C3: variants seen among roughly 807,000 people sequenced by gnomAD.
C3 encodes the protein complement C3.
Under a neutral mutation model 207.9 loss-of-function variants are expected in C3, and 97 were observed. That is an observed-to-expected ratio of 0.47 (90% CI 0.40 to 0.55). The LOEUF is 0.55. Ranked by LOEUF, C3 falls within the 20% of genes least tolerant of loss-of-function variation. The probability of loss-of-function intolerance (pLI) is 0.00; values close to 1 mark genes in which losing one functional copy is unlikely to be tolerated. For synonymous variants in C3, 848 were observed against 857.6 expected, an observed-to-expected ratio of 0.99 and a Z score of 0.20; for missense variants, 1,684 against 2,171.7, an observed-to-expected ratio of 0.78 and a Z score of 4.46.
intron 24 of C3, among the ~76,000 whole-genome samples, chr19:6,694,186 G>A (rs11570244): frequency 5.4e-4 from 49 of 90,338 alleles, no homozygotes; most frequent in South Asian, 2.8e-3. Flanking sequence ...AAGAGGTGGG[G>A]GGCCCTCAGG....
At chr19:6,710,051 CAGGGAGAGAGACGGAGAGACAGGGAGAG>C (rs1315239395) in intron 13 of C3, among the ~76,000 whole-genome samples, 8 of 53,936 alleles carry the variant, frequency 1.5e-4, no homozygotes, top group South Asian at 1.2e-3. Flanking sequence ...AAGGGAGAGA[CAGGGAGAGAGACGGAGAGACAGGGAGAG>C]AGGGAGAGAG....
At chr19:6,697,048 ATAAAC>A (rs1568217192) in intron 21 of C3, among the ~76,000 whole-genome samples, 2 of 86,640 alleles carry the variant, frequency 2.3e-5, no homozygotes, top group East Asian at 5.9e-4. Flanking sequence ...TCTCAAAAAA[ATAAAC>A]AAACAAATAA....
chr19:6,702,109 GC>G lies in C3; in HGVS notation c.2440+17del. On this transcript the variant is annotated intron_variant, in intron 19 of 40. Transcript: ENST00000245907. ...TGGGGTCCCTGCCTCCCGGGGACCA[GC>G]CAGCATCCTCTCTCACCTTTCTTGT... is the stretch of plus-strand genomic sequence containing the variant. 1 of 1,458,692 alleles carries G rather than the reference GC, an allele frequency of 6.9e-7. No individual in the cohort carries two copies. The allele number at this position is 1,458,692 out of a possible 1,614,324, so 90.4% of individuals were successfully genotyped here.
rs1348742012 is a variant in C3 at position 6,714,426 on chromosome 19, G to C, written c.525C>G (p.Val175=). The C allele has an allele frequency of 6.2e-7, 1 of 1,613,536 alleles. No individual in the cohort carries two copies. The highest frequency in any genetic ancestry group is 8.5e-7 in the Non-Finnish European group (1 of 1,179,924). The change falls in exon 5 of 41, where the codon GTC becomes GTG. Residue 175 remains valine, a synonymous_variant. Coordinates refer to ENST00000245907, the MANE Select transcript of C3 (RefSeq NM_000064.4). ...VNIENPEGIP[V]KQDSLSSQNQ... ...TCTGAGAAGACAAGGAGTCCTGCTT[G>C]ACCGGGATGCCTTCCGGGTTCTGTG...
At position 6,685,089 on chromosome 19, in the gene C3, G is replaced by C. The variant is rs981890003; in HGVS notation, c.3868C>G (p.Gln1290Glu). The C allele has an allele frequency of 6.2e-7, 1 of 1,614,060 alleles. No homozygotes were observed. The highest frequency in any genetic ancestry group is 8.5e-7 in the Non-Finnish European group (1 of 1,179,948). ...AGGGACACATCAAGGTTCAGTTCCTGGTGGTCAGGGGCGTCCTTTTGGTAT... is the reference window on the plus strand; with the variant it reads ...AGGGACACATCAAGGTTCAGTTCCTCGTGGTCAGGGGCGTCCTTTTGGTAT... ...AQYQKDAPDH[Q>E]ELNLDVSLQL... Residue 1290 changes from glutamine (Q) to glutamate (E), a missense_variant, in exon 30 of 41, where the codon CAG becomes GAG. Physicochemically the swap from Gln to Glu is conservative, Grantham distance 29. Coordinates refer to ENST00000245907, the MANE Select transcript of C3 (RefSeq NM_000064.4).
chr19:6,709,615 A>ACCCCCCCCCCCCCCCC, intron 14 of C3, 69 bp downstream of exon 14: 2 of 403,608 alleles, frequency 5.0e-6, no homozygotes, highest in Admixed American at 3.2e-5. Flanking sequence ...CTCCAGTCCC[A>ACCCCCCCCCCCCCCCC]CCCACCTCCC....
chr19:6,715,115 C>G (rs927613927), intron 4 of C3, among the ~76,000 whole-genome samples: 1 of 152,040 alleles, frequency 6.6e-6, no homozygotes, highest in African/African-American at 2.4e-5. Context: ...AACATTTAAA[C>G]ATCATGAGAC....
chr19:6,696,773 G>C, intron 21 of C3, 114 bp from the exon 22 acceptor site: 2 of 1,047,478 alleles, frequency 1.9e-6, no homozygotes, highest in Middle Eastern at 4.8e-4. Context: ...CGGGCGCGGT[G>C]GCTCGTGCCT....
At chr19:6,689,018 G>A (rs1030881494) in intron 27 of C3, among the ~76,000 whole-genome samples, 3 of 152,140 alleles carry the variant, frequency 2.0e-5, no homozygotes, top group African/African-American at 7.2e-5. Flanking sequence ...GGCCAAGAAC[G>A]GAATGAAGAT....
intron 37 of C3, 31 bp downstream of exon 37, chr19:6,679,376 A>T: frequency 6.4e-7 from 1 of 1,571,698 alleles, no homozygotes; most frequent in South Asian, 1.1e-5. Flanking sequence ...GCTTGCTCAG[A>T]CCCACCTGTT....
At chr19:6,685,828 C>A (rs1917991100) in intron 29 of C3, among the ~76,000 whole-genome samples, 1 of 152,168 alleles carries the variant, frequency 6.6e-6, no homozygotes, top group African/African-American at 2.4e-5. Context: ...GGAACCTGGT[C>A]TAGAGCCCAC....
chr19:6,713,349 C>CG, intron 8 of C3, 34 bp from the exon 9 acceptor site: 1 of 1,613,786 alleles, frequency 6.2e-7, no homozygotes, highest in South Asian at 1.1e-5. Context: ...GAGAGGGGAG[C>CG]GGGCTCAGAG....
At chr19:6,702,786 C>A in intron 17 of C3, 1 of 507,524 alleles carries the variant, frequency 2.0e-6, no homozygotes, top group Admixed American at 2.8e-5. Flanking sequence ...GTAATCCCAG[C>A]ACTTTGGGAG....
At position 6,693,072 on chromosome 19, in the gene C3, T is replaced by C. The variant is rs531259592; in HGVS notation, c.3242A>G (p.Tyr1081Cys). The C allele has an allele frequency of 2.5e-6, 4 of 1,614,088 alleles. No individual in the cohort carries two copies. The highest frequency in any genetic ancestry group is 1.7e-5 in the Admixed American group (1 of 60,018). ...KRAPSTWLTAYVVKVFSLAVN... is the reference protein window; with the variant it reads ...KRAPSTWLTACVVKVFSLAVN... ...AGCCAGAGAGAAGACCTTGACCACGTAGGCGGTCAGCCTGGAGTGGGCACA... is the reference window on the plus strand; with the variant it reads ...AGCCAGAGAGAAGACCTTGACCACGCAGGCGGTCAGCCTGGAGTGGGCACA... Residue 1081 changes from tyrosine (Y) to cysteine (C), a missense_variant, in exon 26 of 41, where the codon TAC (tyrosine) becomes TGC (cysteine). Tyr to Cys is a radical substitution (Grantham distance 194, BLOSUM62 -2). Around this residue, in one of 3 missense-constraint regions of C3, gnomAD observed 1,280 missense variants for 1,739.1 expected, o/e 0.74. Transcript: ENST00000245907.
intron 14 of C3, among the ~76,000 whole-genome samples, 165 bp from the exon 15 acceptor site, chr19:6,708,094 C>CTTT (rs1599519848): frequency 2.8e-5 from 4 of 141,246 alleles, no homozygotes; most frequent in East Asian, 4.2e-4. Flanking sequence ...TTCCTTCCTT[C>CTTT]CTTCTCTCTC....
rs770111904 is a variant in C3 at position 6,719,212 on chromosome 19, G to T, written c.266C>A (p.Thr89Lys). The T allele has an allele frequency of 1.2e-6, 2 of 1,613,336 alleles. No individual in the cohort carries two copies. Among genetic ancestry groups the T allele is most frequent in the East Asian group, 2.2e-5 (1 of 44,872 alleles). ...ATNHMGNVTF[T>K]IPANREFKSE... ...GGTCCTGCGCCAGTCTGCACTCACC[G>T]TGAAGGTGACGTTGCCCATGTGGTT... The change falls in exon 2 of 41, where the codon ACG (threonine) becomes AAG (lysine). Residue 89 changes from threonine (T) to lysine (K), a missense_variant and splice_region_variant. Thr to Lys is a moderately conservative substitution (Grantham distance 78). Transcript: ENST00000245907. This position sits in a 1 kb window ranked among gnomAD's most constrained non-coding sequence, Gnocchi z 5.4.
chr19:6,683,333 A>C lies in C3; in HGVS notation c.4172+1055T>G, dbSNP rs550080811. On this transcript the variant is annotated intron_variant, in intron 33 of 40. Transcript: ENST00000245907. Reference sequence around the variant, plus strand: ...GTAAGTGTCATACAAAGGAAAAAAAAAACAACAAATACACCTTGCATCTCA... The same window carrying C: ...GTAAGTGTCATACAAAGGAAAAAAACAACAACAAATACACCTTGCATCTCA... The C allele has an allele frequency of 5.9e-5, 9 of 152,168 alleles. No individual in the cohort carries two copies. The East Asian group carries it at 7.7e-4, about 13-fold the overall frequency. The allele number at this position is 152,168 out of a possible 1,614,324, so 9.4% of individuals were successfully genotyped here.
chr19:6,710,946 AAGG>A, intron 12 of C3, 38 bp downstream of exon 12: 1 of 1,606,986 alleles, frequency 6.2e-7, no homozygotes, highest in Non-Finnish European at 8.5e-7. Context: ...CGGAAGAAAC[AAGG>A]AGGAGGCGGG....
chr19:6,694,355 G>T (rs1293711424), intron 24 of C3, 76 bp downstream of exon 24: 2 of 1,346,898 alleles, frequency 1.5e-6, no homozygotes, highest in African/African-American at 1.4e-5. Context: ...GTGGTCTTGA[G>T]ATGAGGTGGG....
Sources: gnomAD v4.1 joint callset for allele counts (sites outside exome capture counted in the v4.1 genomes callset) on GRCh38, gnomAD v4.1.1 for gene constraint, gnomAD v4.1.1 regional missense constraint, Gnocchi (gnomAD v3.1) non-coding constraint, MANE v1.5 for transcripts, NCBI Gene and HGNC (gene_info 2026-07-23, HGNC 2026-07-21) for gene names.